Variants in CDH12 observed in about 807,000 individuals in gnomAD.
CDH12 encodes cadherin-12.
In CDH12, 41 loss-of-function variants were observed where a neutral mutation model predicts 74.1. The observed-to-expected ratio is 0.55, with a 90% confidence interval of 0.43 to 0.72. CDH12 has a LOEUF of 0.72. CDH12 is among the 30% of genes least tolerant of loss of function. The pLI is 0.00. For synonymous variants in CDH12, 399 were observed against 355.0 expected (o/e 1.12, Z -1.39); for missense variants, 945 against 977.2 (o/e 0.97, Z 0.44).
Position 22,684,209 on chromosome 5 carries a change from A to T in CDH12, c.-523+168849T>A, listed in dbSNP as rs113896306. Among the ~76,000 whole-genome samples the T allele has an allele frequency of 9.4e-3, 1,434 of 152,254 alleles. 5 individuals carry two copies. The highest frequency in any genetic ancestry group is 0.014 in the Non-Finnish European group (928 of 68,020). On this transcript the variant is annotated intron_variant, in intron 1 of 14. Transcript: ENST00000382254. ...CATAGTAGGTGTATAAATTTATGGG[A>T]CACACGAGACATTTTGATTCAGGCA...
intron 8 of CDH12, among the ~76,000 whole-genome samples, chr5:21,821,644 TA>T (rs1312629574): frequency 6.6e-6 from 1 of 151,908 alleles, no homozygotes; most frequent in Non-Finnish European, 1.5e-5. Context: ...TTGGAGGGCT[TA>T]AGAACAAATT....
chr5:22,116,864 CTTTTTTT>C (rs70957090), intron 4 of CDH12, among the ~76,000 whole-genome samples: 17 of 108,032 alleles, frequency 1.6e-4, no homozygotes, highest in South Asian at 3.2e-4. Flanking sequence ...CTGCAAGTCT[CTTTTTTT>C]TTTTTTTTTT....
intron 6 of CDH12, among the ~76,000 whole-genome samples, chr5:21,919,964 C>T (rs1351039194): frequency 6.6e-6 from 1 of 152,088 alleles, no homozygotes; most frequent in Non-Finnish European, 1.5e-5. Context: ...AAAATATCTT[C>T]ATGCCTATTT....
intron 3 of CDH12, among the ~76,000 whole-genome samples, chr5:22,315,838 T>C (rs924048538): frequency 6.6e-6 from 1 of 152,122 alleles, no homozygotes; most frequent in Non-Finnish European, 1.5e-5. Context: ...AGTGGCTGCA[T>C]TGCCAGACAC....
intron 5 of CDH12, among the ~76,000 whole-genome samples, chr5:22,011,305 T>C (rs963907838): frequency 6.6e-6 from 1 of 152,134 alleles, no homozygotes; most frequent in African/African-American, 2.4e-5. Context: ...CAAAATATCC[T>C]TACAAAGACT....
intron 6 of CDH12, among the ~76,000 whole-genome samples, chr5:21,855,269 G>T (rs958915704): frequency 6.6e-6 from 1 of 151,534 alleles, no homozygotes; most frequent in Non-Finnish European, 1.5e-5. Flanking sequence ...AATTAGAAAA[G>T]GAATATTTGA....
At chr5:22,663,020 CTAACA>C (rs1415136686) in intron 1 of CDH12, among the ~76,000 whole-genome samples, 2 of 152,128 alleles carry the variant, frequency 1.3e-5, no homozygotes, top group African/African-American at 2.4e-5. Flanking sequence ...ATTAACTATC[CTAACA>C]TATTTGTAAA....
intron 1 of CDH12, among the ~76,000 whole-genome samples, chr5:22,774,947 T>C (rs1023834218): frequency 6.6e-6 from 1 of 152,026 alleles, no homozygotes; most frequent in South Asian, 2.1e-4. Context: ...AATGTACCCA[T>C]GTAACAAACC....
chr5:22,463,200 T>G (rs1419745086), intron 2 of CDH12, among the ~76,000 whole-genome samples: 2 of 152,170 alleles, frequency 1.3e-5, no homozygotes, highest in African/African-American at 4.8e-5. Flanking sequence ...AACAATTAGC[T>G]GTAAATGAAT....
At chr5:22,372,585 G>A (rs1454697683) in intron 3 of CDH12, among the ~76,000 whole-genome samples, 1 of 152,110 alleles carries the variant, frequency 6.6e-6, no homozygotes, top group Non-Finnish European at 1.5e-5. Flanking sequence ...GCCCCCGAAG[G>A]ACTGCCAAGG....
At chr5:22,170,593 G>GCTTCTTATATATAAC (rs1561185890) in intron 4 of CDH12, among the ~76,000 whole-genome samples, 222 of 149,508 alleles carry the variant, frequency 1.5e-3, no homozygotes, top group African/African-American at 3.3e-3. Flanking sequence ...TTATATATAA[G>GCTTCTTATATATAAC]TTATATATAA....
chr5:22,465,214 T>C (rs1178828958), intron 2 of CDH12, among the ~76,000 whole-genome samples: 1 of 152,206 alleles, frequency 6.6e-6, no homozygotes. Flanking sequence ...ATTATTTGAA[T>C]TTTTTGGAAA....
In CDH12 at chr5:22,670,717, T is replaced by C. The variant is rs184277988; in HGVS notation, c.-522-165353A>G. On this transcript the variant is annotated intron_variant, in intron 1 of 14. Transcript: ENST00000382254. ...ATGTGAACTATACATATTTTAAAGG[T>C]TTTTATATATTTTAAAAATAAACTC... 7.5e-3 allele frequency among the ~76,000 whole-genome samples: 1,143 copies of C among 152,070 alleles called. 18 individuals carry two copies. Among genetic ancestry groups the C allele is most frequent in the African/African-American group, 0.026 (1,100 of 41,520 alleles).
At chr5:22,759,865 G>A (rs565593717) in intron 1 of CDH12, among the ~76,000 whole-genome samples, 1 of 152,266 alleles carries the variant, frequency 6.6e-6, no homozygotes, top group South Asian at 2.1e-4. Context: ...GGAACTCAGA[G>A]AAGAACTGAT....
chr5:22,282,473 G>A (rs1736931720), intron 3 of CDH12, among the ~76,000 whole-genome samples: 1 of 152,132 alleles, frequency 6.6e-6, no homozygotes, highest in Admixed American at 6.6e-5. Flanking sequence ...CAGAATGGGA[G>A]AAAATTTTTG....
chr5:22,364,369 A>G (rs1402027310), intron 3 of CDH12, among the ~76,000 whole-genome samples: 1 of 152,146 alleles, frequency 6.6e-6, no homozygotes, highest in Non-Finnish European at 1.5e-5. Context: ...TGCCTAGGTG[A>G]ATCATATATA....
intron 3 of CDH12, among the ~76,000 whole-genome samples, chr5:22,301,438 C>T (rs1053370316): frequency 7.9e-5 from 12 of 152,050 alleles, no homozygotes; most frequent in African/African-American, 2.7e-4. Flanking sequence ...ATGACTAAAG[C>T]ACCACATGAG....
chr5:22,763,509 A>G (rs2127059530), intron 1 of CDH12, among the ~76,000 whole-genome samples: 1 of 152,100 alleles, frequency 6.6e-6, no homozygotes, highest in South Asian at 2.1e-4. Flanking sequence ...TCCTACAAAC[A>G]CATGAAAAAA....
At chr5:22,793,306 T>C (rs1435784059) in intron 1 of CDH12, among the ~76,000 whole-genome samples, 1 of 152,224 alleles carries the variant, frequency 6.6e-6, no homozygotes, top group Non-Finnish European at 1.5e-5. Context: ...CTCTTTGTTG[T>C]CCAAATATTA....
Sources: gnomAD v4.1 joint callset for allele counts (sites outside exome capture counted in the v4.1 genomes callset) on GRCh38, gnomAD v4.1.1 for gene constraint, MANE v1.5 for transcripts, NCBI Gene and HGNC (gene_info 2026-07-23, HGNC 2026-07-21) for gene names.